SH2D4A: variants seen among roughly 807,000 people sequenced by gnomAD.
SH2D4A encodes the protein SH2 domain containing 4A, also known as SH2 domain-containing protein 4A.
A neutral mutation model predicts 64.7 loss-of-function variants in SH2D4A; 70 were observed. The observed-to-expected ratio is 1.08, with a 90% CI of 0.89 to 1.32. SH2D4A has a LOEUF of 1.32. Among genes scored for constraint, SH2D4A ranks in the 40% most tolerant of loss-of-function variants. The pLI is 0.00. For synonymous variants in SH2D4A, 268 were observed against 200.7 expected, an observed-to-expected ratio of 1.34 and a Z score of -2.83; for missense variants, 706 against 540.1, an observed-to-expected ratio of 1.31 and a Z score of -3.04.
Position 19,317,324 on chromosome 8 carries a change from T to TG in SH2D4A, c.-204-2020_-204-2019insG, listed in dbSNP as rs1161028144. Reference sequence around the variant, plus strand: ...ATCCATTTTTTTTTTTTTTTTTTTTTTTGGCTGTTCAAGCCTTTAAGGGTA... The same window carrying TG: ...ATCCATTTTTTTTTTTTTTTTTTTTTGTTGGCTGTTCAAGCCTTTAAGGGTA... On this transcript the variant is annotated intron_variant, in intron 1 of 9. Coordinates refer to ENST00000265807, the MANE Select transcript of SH2D4A (RefSeq NM_022071.4). Among the ~76,000 whole-genome samples the TG allele has an allele frequency of 1.6e-4, 24 of 151,608 alleles. No homozygotes were observed. In the South Asian group the frequency reaches 5.1e-3, roughly 32 times the overall value.
At chr8:19,357,567 A>C (rs1366501211) in intron 5 of SH2D4A, among the ~76,000 whole-genome samples, 7 of 152,242 alleles carry the variant, frequency 4.6e-5, no homozygotes, top group African/African-American at 1.4e-4. Flanking sequence ...CATGGAGGGA[A>C]GACTGATTTC....
At chr8:19,370,587 G>GT in intron 7 of SH2D4A, among the ~76,000 whole-genome samples, 1 of 152,056 alleles carries the variant, frequency 6.6e-6, no homozygotes. Flanking sequence ...TGCATACAAT[G>GT]TTTTTTCCCC....
chr8:19,321,717 A>C (rs1432854638), intron 2 of SH2D4A, among the ~76,000 whole-genome samples: 1 of 152,164 alleles, frequency 6.6e-6, no homozygotes, highest in Admixed American at 6.6e-5. Flanking sequence ...TTTTTCAGAT[A>C]TAATTGGGTC....
intron 4 of SH2D4A, among the ~76,000 whole-genome samples, chr8:19,343,749 C>T (rs1416906261): frequency 6.6e-6 from 1 of 152,172 alleles, no homozygotes; most frequent in Non-Finnish European, 1.5e-5. Flanking sequence ...ATAGGCATTA[C>T]AGCGCCACGA....
chr8:19,388,254 G>A (rs1304787568), intron 8 of SH2D4A, among the ~76,000 whole-genome samples: 1 of 152,176 alleles, frequency 6.6e-6, no homozygotes, highest in East Asian at 1.9e-4. Context: ...TGCAAGCTTG[G>A]GCACTTGCCT....
At chr8:19,373,483 T>C in intron 7 of SH2D4A, 47 bp from the exon 8 acceptor site, 1 of 1,472,324 alleles carries the variant, frequency 6.8e-7, no homozygotes, top group East Asian at 2.4e-5. Context: ...GAGGGCATTA[T>C]TTTCAAATTA....
chr8:19,317,085 A>G (rs1221480829), intron 1 of SH2D4A, among the ~76,000 whole-genome samples: 1 of 152,216 alleles, frequency 6.6e-6, no homozygotes, highest in Non-Finnish European at 1.5e-5. Context: ...GGAACACAGC[A>G]GAAGTCTCAA....
intron 8 of SH2D4A, among the ~76,000 whole-genome samples, chr8:19,376,869 T>A (rs2053204703): frequency 6.6e-6 from 1 of 152,076 alleles, no homozygotes. Context: ...TCAGGCAAAA[T>A]CATCTCAGAA....
At chr8:19,381,651 T>C (rs1460835256) in intron 8 of SH2D4A, among the ~76,000 whole-genome samples, 1 of 152,204 alleles carries the variant, frequency 6.6e-6, no homozygotes, top group Non-Finnish European at 1.5e-5. Context: ...TTTATTTATT[T>C]TATCTAACAG....
chr8:19,394,652 T>A lies in SH2D4A; in HGVS notation c.*10T>A, dbSNP rs577073041. The A allele has an allele frequency of 1.3e-6, 2 of 1,597,902 alleles. No homozygotes were observed. Among genetic ancestry groups the A allele is most frequent in the Admixed American group, 3.4e-5 (2 of 58,722 alleles). Reference sequence around the variant, plus strand: ...GGAGCTGTTTGAGTGACAGCCTCCATCAGGGTCATCCTACAGCCTCCAAGC... The same window carrying A: ...GGAGCTGTTTGAGTGACAGCCTCCAACAGGGTCATCCTACAGCCTCCAAGC... On this transcript the variant is annotated 3_prime_UTR_variant, in exon 10 of 10. Transcript: ENST00000265807.
chr8:19,371,073 A>G (rs2053087397), intron 7 of SH2D4A, among the ~76,000 whole-genome samples: 1 of 152,058 alleles, frequency 6.6e-6, no homozygotes, highest in African/African-American at 2.4e-5. Context: ...CTATCTTGTT[A>G]TTAAAGTTAT....
At position 19,394,697 on chromosome 8, in the gene SH2D4A, T is replaced by G; in HGVS notation, c.*55T>G. Reference sequence around the variant, plus strand: ...CCAAGCGGGCTTTCCCCTGGACAAATGCCACTGCAACATTTATGTGTGAAG... The same window carrying G: ...CCAAGCGGGCTTTCCCCTGGACAAAGGCCACTGCAACATTTATGTGTGAAG... On this transcript the variant is annotated 3_prime_UTR_variant, in exon 10 of 10. Transcript: ENST00000265807. 3 of 1,392,902 alleles carry G rather than the reference T, an allele frequency of 2.2e-6. No homozygotes were observed. Among genetic ancestry groups the G allele is most frequent in the Non-Finnish European group, 3.0e-6 (3 of 1,012,310 alleles). 86.3% of individuals were successfully genotyped at this position (1,392,902 alleles called of 1,614,324 possible).
intron 4 of SH2D4A, among the ~76,000 whole-genome samples, chr8:19,339,042 G>T (rs990457060): frequency 6.6e-6 from 1 of 152,248 alleles, no homozygotes; most frequent in African/African-American, 2.4e-5. Context: ...GAAGCCGACA[G>T]TGCAGCCTTC....
At chr8:19,322,609 ATTC>A (rs1251191295) in intron 2 of SH2D4A, among the ~76,000 whole-genome samples, 4 of 113,538 alleles carry the variant, frequency 3.5e-5, no homozygotes, top group Non-Finnish European at 7.0e-5. Context: ...CTTGTCTATT[ATTC>A]TTTTTTTTTT....
Position 19,334,861 on chromosome 8 carries a change from A to G in SH2D4A, c.513+4A>G, listed in dbSNP as rs369753108. On this transcript the variant is annotated splice_donor_region_variant and intron_variant, in intron 4 of 9. Coordinates refer to ENST00000265807, the MANE Select transcript of SH2D4A (RefSeq NM_022071.4). Reference sequence around the variant, plus strand: ...CCTGGAAGAAGAGAAAATCCGAGTGAGTCCTTACTGTCTGTAGACGTGCGG... The same window carrying G: ...CCTGGAAGAAGAGAAAATCCGAGTGGGTCCTTACTGTCTGTAGACGTGCGG... 5 of 1,603,566 alleles carry G rather than the reference A, an allele frequency of 3.1e-6. No homozygotes were observed. Among genetic ancestry groups the G allele is most frequent in the Non-Finnish European group, 3.4e-6 (4 of 1,177,008 alleles).
intron 1 of SH2D4A, among the ~76,000 whole-genome samples, chr8:19,315,194 G>A (rs563878501): frequency 1.2e-4 from 19 of 152,260 alleles, no homozygotes; most frequent in Admixed American, 1.0e-3. Context: ...GTGGTGCAGT[G>A]GTGCGATCTC....
chr8:19,368,325 T>G (rs1182032788), intron 7 of SH2D4A, among the ~76,000 whole-genome samples: 4 of 152,204 alleles, frequency 2.6e-5, no homozygotes, highest in Admixed American at 2.6e-4. Flanking sequence ...TGCTACAAAT[T>G]GTTCTGGCAA....
chr8:19,380,528 C>G (rs145322454), intron 8 of SH2D4A, among the ~76,000 whole-genome samples: 2 of 152,056 alleles, frequency 1.3e-5, no homozygotes, highest in African/African-American at 4.8e-5. Context: ...AGTCTTTGAT[C>G]CCTTTTGAGT....
At chr8:19,378,063 T>A (rs1446742175) in intron 8 of SH2D4A, among the ~76,000 whole-genome samples, 1 of 152,208 alleles carries the variant, frequency 6.6e-6, no homozygotes, top group Non-Finnish European at 1.5e-5. Flanking sequence ...GCTCATATAT[T>A]ACTGGCTGGA....
Sources: gnomAD v4.1 joint callset for allele counts (sites outside exome capture counted in the v4.1 genomes callset) on GRCh38, gnomAD v4.1.1 for gene constraint, MANE v1.5 for transcripts, NCBI Gene and HGNC (gene_info 2026-07-23, HGNC 2026-07-21) for gene names.